CEBPZOS: variants seen among roughly 807,000 people sequenced by gnomAD.
CEBPZOS encodes the protein CEBPZ opposite strand, also known as protein CEBPZOS.
Under a neutral mutation model 4.8 loss-of-function variants are expected in CEBPZOS, and 10 were observed. The observed-to-expected ratio is 2.07, with a 90% CI of 1.28 to 3.52. CEBPZOS has a LOEUF of 3.52. CEBPZOS is among the 30% of genes most tolerant of loss of function. The probability of loss-of-function intolerance (pLI) is 0.00; values close to 1 mark genes in which losing one functional copy is unlikely to be tolerated. For missense variants in CEBPZOS, 98 were observed against 43.6 expected (o/e 2.25, Z -3.51); for synonymous variants, 25 against 14.2 (o/e 1.77, Z -1.72).
intron 1 of CEBPZOS, among the ~76,000 whole-genome samples, chr2:37,198,923 G>A (rs1677078791): frequency 6.6e-6 from 1 of 152,160 alleles, no homozygotes; most frequent in African/African-American, 2.4e-5. Flanking sequence ...GGAGGCTGAG[G>A]TGGGCGGATT....
Position 37,204,668 on chromosome 2 carries a change from C to G in CEBPZOS, c.*2808C>G, listed in dbSNP as rs1677467449. 1 of 152,166 alleles carries G rather than the reference C, an allele frequency of 6.6e-6. No homozygotes were observed. The highest frequency in any genetic ancestry group is 6.5e-5 in the Admixed American group (1 of 15,268). 9.4% of individuals were successfully genotyped at this position (152,166 alleles called of 1,614,324 possible). A position where few individuals can be genotyped will look rare whatever the true frequency, so the allele number is the denominator to read the frequency against. On this transcript the variant is annotated 3_prime_UTR_variant, in exon 5 of 5. Coordinates refer to ENST00000402297, the MANE Select transcript of CEBPZOS (RefSeq NM_001322374.2). The stretch of plus-strand genomic sequence containing the variant: ...ATGTTTATTCTTAAGGATATCTACT[C>G]TAACACCTGTAAATGTAGGGTGATC...
intron 2 of CEBPZOS, 74 bp from the exon 3 acceptor site, chr2:37,200,974 C>T (rs959597761): frequency 1.6e-5 from 11 of 698,524 alleles, no homozygotes; most frequent in Admixed American, 1.3e-4. Flanking sequence ...CTAAAGCTAG[C>T]ATTAAATTGT....
At chr2:37,215,484 A>G (rs2148353483), downstream of CEBPZOS, 1 of 152,262 alleles carries the variant, frequency 6.6e-6, no homozygotes, top group Admixed American at 6.5e-5. Context: ...GAGTAAAAGG[A>G]GATTTGGCTT....
rs1430294957 is a variant in CEBPZOS at position 37,199,744 on chromosome 2, AAAG to A, written c.41_43del (p.Lys14_Gly15delinsArg). 4.2e-6 allele frequency: 3 copies of A among 717,540 alleles called. No individual in the cohort carries two copies. The East Asian group carries it at 8.0e-5, about 19-fold the overall frequency. 44.4% of individuals were successfully genotyped at this position (717,540 alleles called of 1,614,324 possible). On this transcript the variant is annotated inframe_deletion, in exon 2 of 5. Transcript: ENST00000402297. Reference sequence around the variant, plus strand: ...GGAACCACTAGCAAAGAAGATCTTTAAAGGAGTTTTGGTAGCCGAACTTGTAGG... The same window carrying A: ...GGAACCACTAGCAAAGAAGATCTTTAGAGTTTTGGTAGCCGAACTTGTAGG...
At chr2:37,197,709 A>C (rs1158195210) in intron 1 of CEBPZOS, among the ~76,000 whole-genome samples, 1 of 152,042 alleles carries the variant, frequency 6.6e-6, no homozygotes, top group East Asian at 1.9e-4. Flanking sequence ...TACTAAACAT[A>C]CAAAAAATTA....
chr2:37,208,288 ATCAT>A (rs572361043), downstream of CEBPZOS, among the ~76,000 whole-genome samples: 2 of 152,108 alleles, frequency 1.3e-5, no homozygotes, highest in Non-Finnish European at 2.9e-5. Flanking sequence ...TCCTCCCTAA[ATCAT>A]TCAATGAAGC....
rs2110961 is a variant in CEBPZOS, at chr2:37,212,283, A to C, written c.*3-1154A>C. 5.4e-5 allele frequency: 82 copies of C among 1,514,380 alleles called. No individual in the cohort carries two copies. The South Asian group carries it at 8.8e-4, about 16-fold the overall frequency. The allele number at this position is 1,514,380 out of a possible 1,614,324, so 93.8% of individuals were successfully genotyped here. Reference sequence around the variant, plus strand: ...CTGTGGTCTACTGTTCTGAGGGACAACAATTTGGGAAATGCTAGAAAAATA... The same window carrying C: ...CTGTGGTCTACTGTTCTGAGGGACACCAATTTGGGAAATGCTAGAAAAATA... On this transcript the variant is annotated intron_variant, in intron 4 of 4. Transcript: ENST00000397064.
At chr2:37,214,936 G>A (rs1401526086), downstream of CEBPZOS, 4 of 1,607,792 alleles carry the variant, frequency 2.5e-6, no homozygotes, top group Non-Finnish European at 2.6e-6. Context: ...CTTTTGCAAG[G>A]AACTCCTTAC....
chr2:37,213,734 C>T (rs1032544726), downstream of CEBPZOS: 11 of 625,036 alleles, frequency 1.8e-5, no homozygotes, highest in African/African-American at 1.6e-4. Flanking sequence ...CTTAATCTTC[C>T]ACTGTGATTT....
chr2:37,198,830 C>G (rs1006412096), intron 1 of CEBPZOS, among the ~76,000 whole-genome samples: 4 of 152,144 alleles, frequency 2.6e-5, no homozygotes, highest in African/African-American at 9.7e-5. Flanking sequence ...CAGTTTCCAT[C>G]CCCTGCCCCC....
chr2:37,208,593 C>T (rs1368035147), downstream of CEBPZOS, among the ~76,000 whole-genome samples: 1 of 152,090 alleles, frequency 6.6e-6, no homozygotes, highest in East Asian at 1.9e-4. Context: ...AATCAAGCAT[C>T]CTTTATGATT....
At chr2:37,201,599 G>GTTT (rs1472333804) in intron 3 of CEBPZOS, 43 bp from the exon 4 acceptor site, 1 of 671,170 alleles carries the variant, frequency 1.5e-6, no homozygotes, top group East Asian at 2.7e-5. Context: ...TTTTAACAAT[G>GTTT]CTTCCACATG....
At chr2:37,215,084 G>A (rs1677835675), downstream of CEBPZOS, 9 of 633,946 alleles carry the variant, frequency 1.4e-5, no homozygotes, top group Admixed American at 1.4e-4. Context: ...TAGACAGAAG[G>A]GACTCTGGAG....
chr2:37,213,755 C>G, downstream of CEBPZOS: 1 of 708,768 alleles, frequency 1.4e-6, no homozygotes, highest in South Asian at 1.8e-5. Flanking sequence ...GCATGATATT[C>G]TTAGCTAAGT....
chr2:37,215,092 G>A (rs750305708), downstream of CEBPZOS: 39 of 613,972 alleles, frequency 6.4e-5, no homozygotes, highest in Non-Finnish European at 1.0e-4. Flanking sequence ...AGGGACTCTG[G>A]AGTGCAAGGG....
downstream of CEBPZOS, among the ~76,000 whole-genome samples, chr2:37,206,358 T>C (rs937753265): frequency 1.3e-5 from 2 of 152,228 alleles, no homozygotes; most frequent in Non-Finnish European, 2.9e-5. Flanking sequence ...TAAATCTTTG[T>C]TTTTTGTTTC....
chr2:37,211,986 G>A (rs941542713), intron 4 of CEBPZOS: 7 of 1,612,124 alleles, frequency 4.3e-6, no homozygotes, highest in Non-Finnish European at 5.9e-6. Flanking sequence ...ACTACCTTCT[G>A]AATCTTCATC....
chr2:37,198,276 C>T (rs1361220706), intron 1 of CEBPZOS, among the ~76,000 whole-genome samples: 1 of 152,184 alleles, frequency 6.6e-6, no homozygotes, highest in Non-Finnish European at 1.5e-5. Flanking sequence ...TGTCCCTTCC[C>T]ACCACTCAAC....
intron 1 of CEBPZOS, among the ~76,000 whole-genome samples, chr2:37,198,869 G>A (rs567685531): frequency 5.3e-5 from 8 of 152,218 alleles, no homozygotes; most frequent in East Asian, 3.9e-4. Flanking sequence ...GCGTGTCTGC[G>A]AAAGGGCAGA....
Sources: allele counts gnomAD v4.1 joint callset (sites outside exome capture counted in the v4.1 genomes callset), GRCh38; gene constraint gnomAD v4.1.1; transcripts MANE v1.5; gene names NCBI Gene and HGNC (gene_info 2026-07-23, HGNC 2026-07-21).